Variants in LRP1B observed in about 807,000 individuals in gnomAD.
The protein encoded by LRP1B is low-density lipoprotein receptor-related protein 1B.
A neutral mutation model predicts 556.6 loss-of-function variants in LRP1B; 217 were observed. That is an observed-to-expected ratio of 0.39 (90% CI 0.35 to 0.44). The LOEUF (loss-of-function observed/expected upper bound fraction) is 0.44, where lower values mean the gene tolerates loss of function less well. Ranked by LOEUF, LRP1B falls within the 20% of genes least tolerant of loss-of-function variation. The pLI is 1.00. For synonymous variants in LRP1B, 2,047 were observed against 1,865.8 expected, an observed-to-expected ratio of 1.10 and a Z score of -2.50; for missense variants, 5,053 against 5,620.8, an observed-to-expected ratio of 0.90 and a Z score of 3.23.
At chr2:141,438,252 T>G (rs1462557006) in intron 3 of LRP1B, among the ~76,000 whole-genome samples, 3 of 152,132 alleles carry the variant, frequency 2.0e-5, no homozygotes, top group Non-Finnish European at 2.9e-5. Flanking sequence ...GTATCTGTTT[T>G]ACTTCAGTAC....
chr2:140,708,568 T>C (rs753219541), intron 37 of LRP1B, among the ~76,000 whole-genome samples: 2 of 131,930 alleles, frequency 1.5e-5, no homozygotes, highest in African/African-American at 2.6e-5. Flanking sequence ...CACCATGTTA[T>C]AGTTCATTTT....
intron 1 of LRP1B, among the ~76,000 whole-genome samples, chr2:142,128,086 A>G (rs890981399): frequency 6.6e-6 from 1 of 152,142 alleles, no homozygotes; most frequent in African/African-American, 2.4e-5. Context: ...GAATCAATAT[A>G]AACTAATAAA....
At chr2:141,366,293 G>A (rs1559032223) in intron 3 of LRP1B, among the ~76,000 whole-genome samples, 1 of 152,082 alleles carries the variant, frequency 6.6e-6, no homozygotes, top group Non-Finnish European at 1.5e-5. Context: ...ACTGGTGGGA[G>A]GTATATGACT....
chr2:141,845,157 A>G (rs539204334), intron 1 of LRP1B, among the ~76,000 whole-genome samples: 1 of 151,956 alleles, frequency 6.6e-6, no homozygotes, highest in Non-Finnish European at 1.5e-5. Context: ...AGGTATTTTA[A>G]GAATCTTTCA....
chr2:141,985,517 G>GT (rs1553497907), intron 1 of LRP1B, among the ~76,000 whole-genome samples: 8 of 99,252 alleles, frequency 8.1e-5, no homozygotes, highest in Admixed American at 1.9e-4. Context: ...TTATTTTTTT[G>GT]GGGGGGGTAT....
chr2:141,557,391 C>T (rs781532167), intron 2 of LRP1B, among the ~76,000 whole-genome samples: 2 of 151,838 alleles, frequency 1.3e-5, no homozygotes, highest in Non-Finnish European at 2.9e-5. Flanking sequence ...TAGTAACATA[C>T]TGGGAAAACC....
At chr2:140,266,437 T>C (rs1400867223) in intron 86 of LRP1B, among the ~76,000 whole-genome samples, 1 of 152,086 alleles carries the variant, frequency 6.6e-6, no homozygotes, top group Non-Finnish European at 1.5e-5. Flanking sequence ...TGATTCCTGC[T>C]TGAGATAGTA....
chr2:142,129,989 C>T (rs996278082), intron 1 of LRP1B, among the ~76,000 whole-genome samples: 2 of 152,142 alleles, frequency 1.3e-5, no homozygotes, highest in African/African-American at 4.8e-5. Context: ...TGGAGAGAGG[C>T]ACTCCAGGGG....
intron 66 of LRP1B, among the ~76,000 whole-genome samples, chr2:140,426,939 T>C (rs1685685377): frequency 6.6e-6 from 1 of 152,154 alleles, no homozygotes; most frequent in Admixed American, 6.5e-5. Flanking sequence ...ATCTCACCAA[T>C]TTCAAATCTG....
chr2:141,339,816 T>A (rs1220596768), intron 3 of LRP1B, among the ~76,000 whole-genome samples: 1 of 152,144 alleles, frequency 6.6e-6, no homozygotes, highest in Admixed American at 6.5e-5. Context: ...AGGGCAGCAG[T>A]GCAGGTCTGT....
chr2:140,837,127 G>A (rs1338339931), intron 31 of LRP1B, among the ~76,000 whole-genome samples: 2 of 152,088 alleles, frequency 1.3e-5, no homozygotes, highest in Non-Finnish European at 2.9e-5. Context: ...ATTACTGACA[G>A]TTTCTATTAT....
intron 1 of LRP1B, among the ~76,000 whole-genome samples, chr2:141,909,911 T>A (rs1327346574): frequency 6.6e-6 from 1 of 152,046 alleles, no homozygotes; most frequent in Non-Finnish European, 1.5e-5. Flanking sequence ...TAGTGCAGAC[T>A]TGCCATCTCT....
chr2:141,648,703 T>C (rs576628979), intron 2 of LRP1B, among the ~76,000 whole-genome samples: 217 of 152,324 alleles, frequency 1.4e-3, no homozygotes, highest in Non-Finnish European at 2.5e-3. Context: ...AATGTGTTTA[T>C]GAAGATATTA....
chr2:141,625,278 C>G (rs1688667075), intron 2 of LRP1B, among the ~76,000 whole-genome samples: 1 of 152,140 alleles, frequency 6.6e-6, no homozygotes, highest in African/African-American at 2.4e-5. Context: ...TGTAATTATT[C>G]AAACATGGAA....
intron 41 of LRP1B, among the ~76,000 whole-genome samples, chr2:140,621,462 A>G (rs1334426206): frequency 6.9e-6 from 1 of 145,440 alleles, no homozygotes; most frequent in Admixed American, 7.2e-5. Flanking sequence ...ACAGACAGAG[A>G]TATAAGGAAA....
intron 68 of LRP1B, among the ~76,000 whole-genome samples, chr2:140,376,615 C>T (rs529909460): frequency 1.7e-4 from 26 of 152,192 alleles, no homozygotes; most frequent in African/African-American, 5.8e-4. Flanking sequence ...TGAAGAGCTC[C>T]ATGACTAGAA....
chr2:140,701,336 C>A (rs918988449), intron 40 of LRP1B, among the ~76,000 whole-genome samples: 1 of 151,946 alleles, frequency 6.6e-6, no homozygotes, highest in African/African-American at 2.4e-5. Context: ...GGGATCATAA[C>A]CACTTATTAT....
chr2:140,572,153 T>C (rs547519787), intron 43 of LRP1B, among the ~76,000 whole-genome samples: 2 of 151,910 alleles, frequency 1.3e-5, no homozygotes, highest in African/African-American at 2.4e-5. Context: ...TGGGATTATA[T>C]GAATCTAAAA....
Position 141,905,765 on chromosome 2 carries a change from A to ATGTGTGTGTGTGTG in LRP1B, c.83-95378_83-95365dup, listed in dbSNP as rs56309590. Among the ~76,000 whole-genome samples, 149 of 100,306 alleles carry ATGTGTGTGTGTGTG rather than the reference A, an allele frequency of 1.5e-3. 2 individuals are homozygous for ATGTGTGTGTGTGTG. Among genetic ancestry groups the ATGTGTGTGTGTGTG allele is most frequent in the Non-Finnish European group, 1.9e-3 (84 of 45,082 alleles). 65.8% of individuals were successfully genotyped at this position (100,306 alleles called of 152,430 possible). A position where few individuals can be genotyped will look rare whatever the true frequency, so the allele number is the denominator to read the frequency against. On this transcript the variant is annotated intron_variant, in intron 1 of 90. Coordinates refer to ENST00000389484, the MANE Select transcript of LRP1B (RefSeq NM_018557.3). ...GAGAAAATGGATCTGGTTTGAATAG[A>ATGTGTGTGTGTGTG]TGTGTGTGTGTGTGTGTGTGTGTGT...
Sources: gnomAD v4.1 joint callset for allele counts (sites outside exome capture counted in the v4.1 genomes callset) on GRCh38, gnomAD v4.1.1 for gene constraint, MANE v1.5 for transcripts, NCBI Gene and HGNC (gene_info 2026-07-23, HGNC 2026-07-21) for gene names.